Variants in THSD7A observed in about 807,000 individuals in gnomAD.
The protein encoded by THSD7A is thrombospondin type-1 domain-containing protein 7A.
THSD7A carries 96 observed loss-of-function variants against 231.3 expected under a neutral mutation model. The observed-to-expected ratio is 0.41, with a 90% CI of 0.35 to 0.49. The LOEUF is 0.49. Among genes scored for constraint, THSD7A ranks in the 20% least tolerant of loss-of-function variants. The pLI, the probability that THSD7A is intolerant of heterozygous loss-of-function variation, is 0.05. For synonymous variants in THSD7A, 940 were observed against 743.3 expected, an observed-to-expected ratio of 1.26 and a Z score of -4.30; for missense variants, 2,290 against 2,070.2, an observed-to-expected ratio of 1.11 and a Z score of -2.06.
At chr7:11,680,820 ATACCAT>A (rs1187091089) in intron 1 of THSD7A, among the ~76,000 whole-genome samples, 1 of 152,250 alleles carries the variant, frequency 6.6e-6, no homozygotes, top group East Asian at 1.9e-4. Flanking sequence ...AGAACCAGAA[ATACCAT>A]TTGACCCAGC....
At chr7:11,403,529 T>G (rs1271322772) in intron 22 of THSD7A, among the ~76,000 whole-genome samples, 1 of 152,182 alleles carries the variant, frequency 6.6e-6, no homozygotes, top group African/African-American at 2.4e-5. Context: ...TTTTTAATTA[T>G]GTAGGAAAAC....
At chr7:11,629,412 G>A (rs139895800) in intron 2 of THSD7A, among the ~76,000 whole-genome samples, 312 of 152,252 alleles carry the variant, frequency 2.0e-3, no homozygotes, top group Non-Finnish European at 3.8e-3. Flanking sequence ...CTTGCGAGAC[G>A]TGATGATGAG....
At chr7:11,397,959 A>G (rs984632023) in intron 23 of THSD7A, among the ~76,000 whole-genome samples, 1 of 152,220 alleles carries the variant, frequency 6.6e-6, no homozygotes, top group African/African-American at 2.4e-5. Context: ...GTGGGACTGT[A>G]AATTAGTTCA....
At chr7:11,754,374 G>A (rs1359243700) in intron 1 of THSD7A, among the ~76,000 whole-genome samples, 1 of 152,052 alleles carries the variant, frequency 6.6e-6, no homozygotes, top group Admixed American at 6.6e-5. Flanking sequence ...ATTCACTGAA[G>A]TGACATTGTG....
At chr7:11,657,415 G>A (rs950483671) in intron 1 of THSD7A, among the ~76,000 whole-genome samples, 2 of 151,590 alleles carry the variant, frequency 1.3e-5, no homozygotes, top group East Asian at 3.9e-4. Context: ...GCATAGACAT[G>A]GGAAAGAAAC....
At position 11,429,078 on chromosome 7, in the gene THSD7A, G is replaced by T. The variant is rs1344429507; in HGVS notation, c.3112C>A (p.Leu1038Ile). 8 of 1,611,422 alleles carry T rather than the reference G, an allele frequency of 5.0e-6. No homozygotes were observed. The highest frequency in any genetic ancestry group is 5.9e-6 in the Non-Finnish European group (7 of 1,178,984). The change falls in exon 14 of 28, where the codon CTC (leucine) becomes ATC (isoleucine). Residue 1038 changes from leucine to isoleucine, a missense_variant. Transcript: ENST00000423059. ...CGCGACCAGTTGGACCACTCACTGA[G>T]CTTGCAGTCTGAGGGGCAGGGGATG... ...CIIPCPSDCKLSEWSNWSRCS... is the reference protein window; with the variant it reads ...CIIPCPSDCKISEWSNWSRCS...
intron 6 of THSD7A, among the ~76,000 whole-genome samples, chr7:11,514,884 C>A (rs1056139758): frequency 6.6e-6 from 1 of 152,024 alleles, no homozygotes; most frequent in Non-Finnish European, 1.5e-5. Flanking sequence ...AACTAAGAAC[C>A]ACTAATATTT....
At chr7:11,652,249 A>AG (rs1345528000) in intron 1 of THSD7A, among the ~76,000 whole-genome samples, 1 of 151,978 alleles carries the variant, frequency 6.6e-6, no homozygotes, top group Non-Finnish European at 1.5e-5. Context: ...AGAAAAAAAA[A>AG]GAGAGGAAAA....
At chr7:11,391,287 A>G (rs955641319) in intron 23 of THSD7A, among the ~76,000 whole-genome samples, 1 of 152,112 alleles carries the variant, frequency 6.6e-6, no homozygotes, top group South Asian at 2.1e-4. Context: ...TTTTTCACAA[A>G]TGCCCTGCCC....
chr7:11,553,101 G>A (rs936616432), intron 4 of THSD7A, among the ~76,000 whole-genome samples: 2 of 152,022 alleles, frequency 1.3e-5, no homozygotes, highest in African/African-American at 4.8e-5. Flanking sequence ...ATATACCCCA[G>A]ACAACATAGC....
intron 1 of THSD7A, among the ~76,000 whole-genome samples, chr7:11,694,364 T>C (rs1396256087): frequency 6.6e-6 from 1 of 151,566 alleles, no homozygotes; most frequent in Non-Finnish European, 1.5e-5. Flanking sequence ...CTATGGGAAA[T>C]GAACATGATT....
Position 11,470,209 on chromosome 7 carries a change from G to A in THSD7A, c.2253-215C>T, listed in dbSNP as rs1785881234. Reference sequence around the variant, plus strand: ...TCAATAAAGCCTCTCAAGGAAAGATGTGCAGATTTACTAATACCAATAATG... The same window carrying A: ...TCAATAAAGCCTCTCAAGGAAAGATATGCAGATTTACTAATACCAATAATG... On this transcript the variant is annotated intron_variant, in intron 8 of 27. Coordinates refer to ENST00000423059, the MANE Select transcript of THSD7A (RefSeq NM_015204.3). 2.0e-5 allele frequency among the ~76,000 whole-genome samples: 3 copies of A among 152,068 alleles called. No homozygotes were observed. The South Asian group carries it at 6.2e-4, about 31-fold the overall frequency.
intron 6 of THSD7A, among the ~76,000 whole-genome samples, chr7:11,529,048 T>C (rs1172230167): frequency 1.3e-5 from 2 of 152,134 alleles, no homozygotes; most frequent in South Asian, 2.1e-4. Flanking sequence ...AAAAGTACGA[T>C]TCTAGTGACA....
intron 6 of THSD7A, among the ~76,000 whole-genome samples, chr7:11,498,703 G>A (rs1302443804): frequency 6.6e-6 from 1 of 152,162 alleles, no homozygotes; most frequent in Non-Finnish European, 1.5e-5. Context: ...AGGGTCTCCA[G>A]CCACTTCATG....
intron 1 of THSD7A, among the ~76,000 whole-genome samples, chr7:11,661,118 T>A (rs1188877359): frequency 1.3e-5 from 2 of 151,336 alleles, no homozygotes; most frequent in Non-Finnish European, 3.0e-5. Context: ...CCATGGTAAG[T>A]AACCCAGGCT....
At chr7:11,790,660 G>A (rs1298399146) in intron 1 of THSD7A, among the ~76,000 whole-genome samples, 1 of 151,690 alleles carries the variant, frequency 6.6e-6, no homozygotes, top group Non-Finnish European at 1.5e-5. Flanking sequence ...GTGTTTAGCA[G>A]TCTAGAAAAG....
chr7:11,722,313 G>A (rs1044477908), intron 1 of THSD7A, among the ~76,000 whole-genome samples: 103 of 151,922 alleles, frequency 6.8e-4, no homozygotes, highest in African/African-American at 2.4e-3. Flanking sequence ...ATACTGCTAA[G>A]ATGTAGGTGC....
At chr7:11,386,632 T>A (rs1188684804) in intron 23 of THSD7A, among the ~76,000 whole-genome samples, 1 of 152,242 alleles carries the variant, frequency 6.6e-6, no homozygotes, top group Non-Finnish European at 1.5e-5. Flanking sequence ...ATGGATAGAT[T>A]GCAAAATTTT....
chr7:11,376,330 T>A (rs1782271353), intron 27 of THSD7A, among the ~76,000 whole-genome samples: 1 of 152,140 alleles, frequency 6.6e-6, no homozygotes, highest in African/African-American at 2.4e-5. Context: ...AGCAATATTT[T>A]CTTGAAAGTA....
Sources: gnomAD v4.1 joint callset for allele counts (sites outside exome capture counted in the v4.1 genomes callset) on GRCh38, gnomAD v4.1.1 for gene constraint, MANE v1.5 for transcripts, NCBI Gene and HGNC (gene_info 2026-07-23, HGNC 2026-07-21) for gene names.